The following MYRFL variants were observed in gnomAD, a reference collection of about 807,000 sequenced individuals.
The protein encoded by MYRFL is myelin regulatory factor-like protein.
Under a neutral mutation model 109.4 loss-of-function variants are expected in MYRFL, and 88 were observed. The ratio of observed to expected loss-of-function variants is 0.80; its 90% CI spans 0.68 to 0.96. The LOEUF is 0.96. Ranked by LOEUF, MYRFL falls within the 40% of genes least tolerant of loss-of-function variation. The pLI is 0.00. For missense variants in MYRFL, 957 were observed against 954.9 expected (o/e 1.00, Z -0.03); for synonymous variants, 324 against 320.9 (o/e 1.01, Z -0.10).
intron 2 of MYRFL, among the ~76,000 whole-genome samples, chr12:69,877,086 C>T (rs566902394): frequency 1.4e-5 from 2 of 145,800 alleles, no homozygotes; most frequent in African/African-American, 5.1e-5. Flanking sequence ...TGCAGTGGCG[C>T]GATCTTGGCT....
At chr12:69,949,719 ATTC>A (rs1242838207) in intron 19 of MYRFL, among the ~76,000 whole-genome samples, 11 of 151,828 alleles carry the variant, frequency 7.2e-5, no homozygotes, top group African/African-American at 2.4e-4. Flanking sequence ...GCCCAAGACA[ATTC>A]TTCTTCCAGT....
chr12:69,953,865 G>A (rs1226265920), intron 21 of MYRFL, among the ~76,000 whole-genome samples: 3 of 151,820 alleles, frequency 2.0e-5, no homozygotes, highest in Non-Finnish European at 4.4e-5. Context: ...TTAAAGGCAA[G>A]GCCTGTAATC....
intron 8 of MYRFL, among the ~76,000 whole-genome samples, 168 bp from the exon 9 acceptor site, chr12:69,895,203 A>C: frequency 6.6e-6 from 1 of 152,208 alleles, no homozygotes; most frequent in East Asian, 1.9e-4. Flanking sequence ...ATTCCTGACC[A>C]TGCTGTGGAT....
At chr12:69,947,076 A>G (rs750618286) in intron 19 of MYRFL, 51 of 152,262 alleles carry the variant, frequency 3.3e-4, no homozygotes, top group Non-Finnish European at 6.5e-4. Context: ...AAGGTACTGT[A>G]TAACACCAGG....
intron 16 of MYRFL, chr12:69,935,874 A>C: frequency 1.9e-6 from 1 of 513,224 alleles, no homozygotes; most frequent in Non-Finnish European, 3.4e-6. Context: ...TCTATGTGGA[A>C]AAATCCATCA....
chr12:69,935,906 C>G (rs11177974), intron 16 of MYRFL: 2 of 599,948 alleles, frequency 3.3e-6, no homozygotes, highest in Non-Finnish European at 5.6e-6. Flanking sequence ...CTAGGAGCCT[C>G]TGAGCTCTTT....
At chr12:69,863,301 A>T (rs1167191851) in intron 2 of MYRFL, among the ~76,000 whole-genome samples, 1 of 152,064 alleles carries the variant, frequency 6.6e-6, no homozygotes, top group Non-Finnish European at 1.5e-5. Flanking sequence ...TTTTCTATTG[A>T]TTGGAATAGT....
intron 5 of MYRFL, among the ~76,000 whole-genome samples, chr12:69,884,891 G>GA (rs1379027899): frequency 2.0e-5 from 3 of 152,164 alleles, no homozygotes; most frequent in Non-Finnish European, 2.9e-5. Context: ...TTTTGCAGAT[G>GA]AAAAAACTGA....
chr12:69,862,039 G>A (rs1417557412), intron 2 of MYRFL, among the ~76,000 whole-genome samples: 3 of 149,902 alleles, frequency 2.0e-5, no homozygotes, highest in Non-Finnish European at 4.5e-5. Context: ...TGTCAGGTTT[G>A]TCAAAGATCA....
intron 5 of MYRFL, among the ~76,000 whole-genome samples, chr12:69,884,816 C>G (rs1201229650): frequency 6.6e-6 from 1 of 152,174 alleles, no homozygotes; most frequent in Non-Finnish European, 1.5e-5. Flanking sequence ...CTGTGCTCTG[C>G]GTTTTACAGT....
At chr12:69,942,890 C>G (rs1013120357) in intron 19 of MYRFL, among the ~76,000 whole-genome samples, 2 of 152,094 alleles carry the variant, frequency 1.3e-5, no homozygotes, top group African/African-American at 4.8e-5. Context: ...TATACACCAA[C>G]AACAGACAAA....
intron 21 of MYRFL, among the ~76,000 whole-genome samples, chr12:69,954,465 A>G (rs1414848064): frequency 6.6e-6 from 1 of 152,216 alleles, no homozygotes; most frequent in Non-Finnish European, 1.5e-5. Flanking sequence ...TATTTTTTTC[A>G]GCTGTATTGA....
At chr12:69,828,831 CAT>C (rs1882445553) in intron 1 of MYRFL, among the ~76,000 whole-genome samples, 1 of 152,186 alleles carries the variant, frequency 6.6e-6, no homozygotes, top group African/African-American at 2.4e-5. Flanking sequence ...TCAGAGGACT[CAT>C]TATTTGTTTC....
intron 11 of MYRFL, among the ~76,000 whole-genome samples, chr12:69,906,225 G>C (rs892875803): frequency 6.6e-6 from 1 of 152,180 alleles, no homozygotes; most frequent in Non-Finnish European, 1.5e-5. Context: ...TGGTGGGGGA[G>C]ATCTCTGATG....
intron 15 of MYRFL, among the ~76,000 whole-genome samples, chr12:69,932,087 G>A (rs942832346): frequency 2.0e-5 from 3 of 152,070 alleles, no homozygotes; most frequent in South Asian, 2.1e-4. Context: ...CATGATACCC[G>A]AAATCATTCC....
chr12:69,899,122 G>T (rs1022706074), intron 10 of MYRFL, among the ~76,000 whole-genome samples: 10 of 152,046 alleles, frequency 6.6e-5, no homozygotes, highest in African/African-American at 2.4e-4. Context: ...ACACAATTTT[G>T]GTTAGAGAGA....
intron 13 of MYRFL, among the ~76,000 whole-genome samples, chr12:69,924,190 G>GAAAAAAAAAAAAA (rs543542332): frequency 1.3e-5 from 1 of 79,880 alleles, no homozygotes; most frequent in Non-Finnish European, 2.4e-5. Flanking sequence ...CTCCGTCTCA[G>GAAAAAAAAAAAAA]AAAAAAAAAA....
At chr12:69,870,050 CAAATT>C (rs1444061216) in intron 2 of MYRFL, among the ~76,000 whole-genome samples, 6 of 148,610 alleles carry the variant, frequency 4.0e-5, no homozygotes, top group African/African-American at 1.5e-4. Flanking sequence ...GTTTAGAAGG[CAAATT>C]ATTTTATTTT....
In MYRFL at chr12:69,880,304, T is replaced by C. The variant is rs757135443; in HGVS notation, c.556+12T>C. On this transcript the variant is annotated intron_variant, in intron 5 of 24. Coordinates refer to ENST00000552032, the MANE Select transcript of MYRFL (RefSeq NM_182530.3). ...CCACTGCAGACCGAGTGAGCAAACCTGGGTGGGAACAAGGGCGATGCCATC... is the reference window on the plus strand; with the variant it reads ...CCACTGCAGACCGAGTGAGCAAACCCGGGTGGGAACAAGGGCGATGCCATC... The C allele has an allele frequency of 7.0e-5, 49 of 702,218 alleles. No individual in the cohort carries two copies. The highest frequency in any genetic ancestry group is 2.3e-4 in the Middle Eastern group (1 of 4,382). The allele number at this position is 702,218 out of a possible 1,614,324, so 43.5% of individuals were successfully genotyped here.
Sources: gnomAD v4.1 joint callset for allele counts (sites outside exome capture counted in the v4.1 genomes callset) on GRCh38, gnomAD v4.1.1 for gene constraint, MANE v1.5 for transcripts, NCBI Gene and HGNC (gene_info 2026-07-23, HGNC 2026-07-21) for gene names.